SLC36A1: variants seen among roughly 807,000 people sequenced by gnomAD.
The protein encoded by SLC36A1 is proton-coupled amino acid transporter 1.
A neutral mutation model predicts 47.5 loss-of-function variants in SLC36A1; 30 were observed. That is an observed-to-expected ratio of 0.63 (90% CI 0.47 to 0.86). The LOEUF (loss-of-function observed/expected upper bound fraction) is 0.86, where lower values mean the gene tolerates loss of function less well. Ranked by LOEUF, SLC36A1 falls within the 40% of genes least tolerant of loss-of-function variation. The pLI is 0.00. For missense variants in SLC36A1, 517 were observed against 606.0 expected (o/e 0.85, Z 1.54); for synonymous variants, 255 against 249.7 (o/e 1.02, Z -0.20).
chr5:151,394,796 G>A, the SLC36A1 span, among the ~76,000 whole-genome samples: 21 of 152,348 alleles, frequency 1.4e-4, no homozygotes, highest in East Asian at 3.7e-3. Flanking sequence ...GGCGTGTGAA[G>A]TGTCAGTCTG....
the SLC36A1 span, among the ~76,000 whole-genome samples, chr5:151,411,199 T>C: frequency 6.9e-6 from 1 of 144,754 alleles, no homozygotes; most frequent in Non-Finnish European, 1.5e-5. Flanking sequence ...CCATGGTGGG[T>C]GTCAGGAGGA....
chr5:151,389,621 A>C, the SLC36A1 span, among the ~76,000 whole-genome samples: 16 of 114,126 alleles, frequency 1.4e-4, no homozygotes, highest in South Asian at 2.8e-4. Flanking sequence ...AAGTGTTCTT[A>C]TTGTTCAATT....
chr5:151,545,480 C>T, the SLC36A1 span: 174 of 1,614,120 alleles, frequency 1.1e-4, no homozygotes, highest in East Asian at 3.0e-3. Flanking sequence ...TGGATAGGCC[C>T]GACTATTGCT....
chr5:151,544,088 C>T, the SLC36A1 span: 1 of 1,614,222 alleles, frequency 6.2e-7, no homozygotes, highest in Non-Finnish European at 8.5e-7. Flanking sequence ...CTGACTTTCA[C>T]ATGAAAGTGT....
At chr5:151,393,009 G>T in the SLC36A1 span, among the ~76,000 whole-genome samples, 2 of 151,916 alleles carry the variant, frequency 1.3e-5, no homozygotes, top group African/African-American at 4.8e-5. Context: ...GGGTATTAAA[G>T]TCTCCCATTA....
At chr5:151,521,422 A>G in the SLC36A1 span, 10 of 1,614,098 alleles carry the variant, frequency 6.2e-6, no homozygotes, top group Admixed American at 1.0e-4. Context: ...GCAGGGCACC[A>G]TGGGCATAGC....
Position 151,476,630 on chromosome 5 carries a change from TC to T in SLC36A1, c.866del (p.Pro289HisfsTer34). On this transcript the variant is annotated frameshift_variant, in exon 9 of 11. Transcript: ENST00000243389. LOFTEE classifies it high-confidence loss of function. ...AACAAAATGAAGGATCCTCGGAAGT[TC>T]CCACTCATCCTGTACCTGGGCATGG... ...LENKMKDPRK[F>X]PLILYLGMVI... 1 of 1,608,072 alleles carries T rather than the reference TC, an allele frequency of 6.2e-7. No homozygotes were observed. Among genetic ancestry groups the T allele is most frequent in the South Asian group, 1.1e-5 (1 of 90,366 alleles).
chr5:151,442,894 A>G (rs1234030386), upstream of SLC36A1, among the ~76,000 whole-genome samples: 1 of 152,138 alleles, frequency 6.6e-6, no homozygotes, highest in Non-Finnish European at 1.5e-5. Context: ...GAGAGCATGC[A>G]ATATTTTTTC....
At chr5:151,365,994 G>C in the SLC36A1 span, among the ~76,000 whole-genome samples, 2 of 152,174 alleles carry the variant, frequency 1.3e-5, no homozygotes, top group African/African-American at 4.8e-5. Context: ...AAGGGGTCCT[G>C]TTCATGCCTC....
At chr5:151,522,714 C>T in the SLC36A1 span, among the ~76,000 whole-genome samples, 13 of 152,140 alleles carry the variant, frequency 8.5e-5, no homozygotes, top group African/African-American at 2.6e-4. Flanking sequence ...CATTTGAGTC[C>T]TGAGGGATGA....
chr5:151,550,734 G>A, the SLC36A1 span: 43 of 1,614,020 alleles, frequency 2.7e-5, no homozygotes, highest in Admixed American at 3.3e-5. Flanking sequence ...TGAGGCTTTT[G>A]CCCTTGTCTT....
At chr5:151,531,660 C>T in the SLC36A1 span, 40 of 1,613,758 alleles carry the variant, frequency 2.5e-5, no homozygotes, top group South Asian at 2.2e-4. This position sits in a 1 kb window ranked among gnomAD's most constrained non-coding sequence, Gnocchi z 5.7. Context: ...TCTCTGCGCC[C>T]GGGCGAGTGA....
At chr5:151,523,781 T>C in the SLC36A1 span, among the ~76,000 whole-genome samples, 21 of 152,290 alleles carry the variant, frequency 1.4e-4, no homozygotes, top group African/African-American at 5.1e-4. Context: ...TGGACACCTC[T>C]GCTTGGATGT....
the SLC36A1 span, among the ~76,000 whole-genome samples, chr5:151,537,344 AAAAG>A: frequency 1.2e-4 from 10 of 84,566 alleles, no homozygotes; most frequent in African/African-American, 2.9e-4. Context: ...AAAAGAAAAG[AAAAG>A]AAAAAAGAAG....
At chr5:151,465,929 A>C (rs1756292528) in intron 5 of SLC36A1, among the ~76,000 whole-genome samples, 1 of 137,808 alleles carries the variant, frequency 7.3e-6, no homozygotes, top group Non-Finnish European at 1.6e-5. Context: ...TGATACTATC[A>C]AGGGCTAAAA....
upstream of SLC36A1, among the ~76,000 whole-genome samples, chr5:151,447,063 A>G (rs1428436997): frequency 6.6e-6 from 1 of 152,200 alleles, no homozygotes; most frequent in African/African-American, 2.4e-5. Context: ...TTTGTTACAT[A>G]ATTGTTAAAG....
chr5:151,345,938 G>A, the SLC36A1 span, among the ~76,000 whole-genome samples: 1 of 152,172 alleles, frequency 6.6e-6, no homozygotes, highest in African/African-American at 2.4e-5. Flanking sequence ...CATTGACAGA[G>A]GAGAAACTGG....
In SLC36A1 at chr5:151,463,716, A is replaced by G. The variant is rs577573685; in HGVS notation, c.234+73A>G. ...TAGCTTTTTGTTGTTGTTAAAATGT[A>G]CTTGCTTTAAAACATTTTAAATAGA... On this transcript the variant is annotated intron_variant, in intron 3 of 10. Transcript: ENST00000243389. The G allele has an allele frequency of 1.7e-5, 20 of 1,174,516 alleles. No individual in the cohort carries two copies. The East Asian group carries it at 3.3e-4, about 19-fold the overall frequency. The allele number at this position is 1,174,516 out of a possible 1,614,324, so 72.8% of individuals were successfully genotyped here.
chr5:151,534,912 A>G, the SLC36A1 span, among the ~76,000 whole-genome samples: 1 of 147,772 alleles, frequency 6.8e-6, no homozygotes, highest in Admixed American at 6.9e-5. Context: ...CAATTAGGCA[A>G]TTTCTAACAA....
Sources: gnomAD v4.1 joint callset for allele counts (sites outside exome capture counted in the v4.1 genomes callset) on GRCh38, gnomAD v4.1.1 for gene constraint, Gnocchi (gnomAD v3.1) non-coding constraint, MANE v1.5 for transcripts, NCBI Gene and HGNC (gene_info 2026-07-23, HGNC 2026-07-21) for gene names.